Variants in BMX observed in about 807,000 individuals in gnomAD.
The protein encoded by BMX is BMX non-receptor tyrosine kinase.
Under a neutral mutation model 59.2 loss-of-function variants are expected in BMX, and 31 were observed. That is an observed-to-expected ratio of 0.52 (90% CI 0.39 to 0.71). The LOEUF (loss-of-function observed/expected upper bound fraction) is 0.71, where lower values mean the gene tolerates loss of function less well. Among genes scored for constraint, BMX ranks in the 30% least tolerant of loss-of-function variants. The pLI, the probability that BMX is intolerant of heterozygous loss-of-function variation, is 0.00. For synonymous variants in BMX, 185 were observed against 181.0 expected (o/e 1.02, Z -0.18); for missense variants, 474 against 491.7 (o/e 0.96, Z 0.34).
chrX:15,541,786 G>A (rs941049679), intron 14 of BMX, among the ~76,000 whole-genome samples, 196 bp from the exon 15 acceptor site: 3 of 110,604 alleles, frequency 2.7e-5, no homozygotes, highest in African/African-American at 9.9e-5. Flanking sequence ...CTGATATGAG[G>A]CAGAAATTTT....
At chrX:15,522,013 GT>G (rs1924480101) in intron 6 of BMX, among the ~76,000 whole-genome samples, 3 of 110,681 alleles carry the variant, frequency 2.7e-5, no homozygotes, top group African/African-American at 9.9e-5. Context: ...AGGTCTTTTG[GT>G]TTCCCTGTTG....
At chrX:15,519,828 C>T (rs1484000592) in intron 6 of BMX, among the ~76,000 whole-genome samples, 1 of 111,252 alleles carries the variant, frequency 9.0e-6, no homozygotes, top group Non-Finnish European at 1.9e-5. Context: ...AGGGAGATAG[C>T]AGGCTCTTTT....
rs1182362642 is a variant in BMX at position 15,511,523 on chromosome X, T to C, written c.325+5T>C. ...GGTTGAAAGCATTACAAAAAGGTAA[T>C]TCAAAAAAAGAAATGTTGAAAGAGA... is the stretch of plus-strand genomic sequence containing the variant. On this transcript the variant is annotated splice_donor_5th_base_variant and intron_variant, in intron 4 of 18. Transcript: ENST00000348343. 1 of 1,193,123 alleles carries C rather than the reference T, an allele frequency of 8.4e-7. No individual in the cohort carries two copies. The highest frequency in any genetic ancestry group is 1.1e-6 in the Non-Finnish European group (1 of 884,241).
At chrX:15,537,521 A>G (rs1925425965) in intron 14 of BMX, among the ~76,000 whole-genome samples, 1 of 112,073 alleles carries the variant, frequency 8.9e-6, no homozygotes, top group Non-Finnish European at 1.9e-5. Flanking sequence ...ACAACCTGAA[A>G]GGCCATATTC....
chrX:15,549,000 C>T (rs1214603981), intron 17 of BMX, among the ~76,000 whole-genome samples: 1 of 111,420 alleles, frequency 9.0e-6, no homozygotes, highest in South Asian at 3.8e-4. Flanking sequence ...ACAGCAAGTC[C>T]ATGAGGTGCA....
At chrX:15,505,116 A>G (rs764108490) in intron 1 of BMX, among the ~76,000 whole-genome samples, 1 of 112,387 alleles carries the variant, frequency 8.9e-6, no homozygotes, top group Non-Finnish European at 1.9e-5. Context: ...TCTAAAAATT[A>G]ATCATCAGCA....
At chrX:15,502,375 G>A (rs185006159) in intron 1 of BMX, among the ~76,000 whole-genome samples, 15 of 111,996 alleles carry the variant, frequency 1.3e-4, no homozygotes, top group African/African-American at 4.9e-4. Context: ...AGGAGAGGGA[G>A]CAGAAAGAAA....
rs869132740 is a variant in BMX, at chrX:15,511,613, TA to T, written c.325+100del. On this transcript the variant is annotated intron_variant, in intron 4 of 18. Coordinates refer to ENST00000348343, the MANE Select transcript of BMX (RefSeq NM_203281.3). The stretch of plus-strand genomic sequence containing the variant: ...GCTTGGTGGAGGAAAGACATGGCAG[TA>T]AAAAGACTCAATGCCAAGAGACAAT... 3 of 667,988 alleles carry T rather than the reference TA, an allele frequency of 4.5e-6. No homozygotes were observed. In the East Asian group the frequency reaches 1.1e-4, roughly 24 times the overall value. 55.0% of individuals were successfully genotyped at this position (667,988 alleles called of 1,213,427 possible). A position where few individuals can be genotyped will look rare whatever the true frequency, so the allele number is the denominator to read the frequency against.
At chrX:15,524,992 C>G (rs1924641437) in intron 7 of BMX, among the ~76,000 whole-genome samples, 1 of 111,836 alleles carries the variant, frequency 8.9e-6, no homozygotes, top group Admixed American at 9.5e-5. Context: ...AAAATCAGGG[C>G]AAATCCAGTC....
rs138084152 is a variant in BMX, at chrX:15,543,094, C to T, written c.1635C>T (p.Asp545=). The change falls in exon 16 of 19, where the codon GAC becomes GAT. Residue 545 remains aspartate, a synonymous_variant. Coordinates refer to ENST00000348343, the MANE Select transcript of BMX (RefSeq NM_203281.3). ...AGGCTGCTCGTAACTGCTTGGTGGA[C>T]AGAGATCTCTGTGTGAAAGTATCTG... is the stretch of plus-strand genomic sequence containing the variant. The part of the protein sequence containing the change: ...RDLAARNCLV[D]RDLCVKVSDF... 8.3e-7 allele frequency: 1 copy of T among 1,208,482 alleles called. No individual in the cohort carries two copies. Among genetic ancestry groups the T allele is most frequent in the African/African-American group, 1.7e-5 (1 of 57,471 alleles).
chrX:15,534,106 C>T (rs1925215783), intron 11 of BMX, 106 bp from the exon 12 acceptor site: 1 of 755,544 alleles, frequency 1.3e-6, no homozygotes, highest in Non-Finnish European at 1.8e-6. Flanking sequence ...ACCTCCCTGA[C>T]TTCCCTCTCC....
At chrX:15,533,988 G>A (rs1038939463) in intron 11 of BMX, among the ~76,000 whole-genome samples, 4 of 111,412 alleles carry the variant, frequency 3.6e-5, no homozygotes, top group Non-Finnish European at 5.7e-5. Flanking sequence ...ATCTATATGT[G>A]CACCAAAAGA....
intron 6 of BMX, among the ~76,000 whole-genome samples, chrX:15,518,618 C>T (rs948442398): frequency 7.2e-5 from 8 of 111,478 alleles, no homozygotes; most frequent in African/African-American, 2.6e-4. Context: ...AAACATCATT[C>T]CAAGTTAAAC....
rs959223577 is a variant in BMX at position 15,550,126 on chromosome X, C to T, written c.1953+129C>T. 7.6e-6 allele frequency: 6 copies of T among 790,926 alleles called. No individual in the cohort carries two copies. In the African/African-American group the frequency reaches 1.1e-4, roughly 14 times the overall value. The allele number at this position is 790,926 out of a possible 1,213,427, so 65.2% of individuals were successfully genotyped here. ...CAGAGCAGGAGAGAATGGTCCTCAG[C>T]CCCTGCCCTAAAATGTTTGTAATCT... On this transcript the variant is annotated intron_variant, in intron 18 of 18. Coordinates refer to ENST00000348343, the MANE Select transcript of BMX (RefSeq NM_203281.3).
chrX:15,547,039 C>T (rs1925981948), intron 17 of BMX, 118 bp downstream of exon 17: 1 of 562,624 alleles, frequency 1.8e-6, no homozygotes, highest in African/African-American at 2.3e-5. Context: ...CGAAGTTACA[C>T]ATATAGCCTG....
At chrX:15,529,782 C>T (rs769975932) in intron 9 of BMX, among the ~76,000 whole-genome samples, 191 bp from the exon 10 acceptor site, 4 of 112,156 alleles carry the variant, frequency 3.6e-5, no homozygotes, top group South Asian at 3.7e-4. Flanking sequence ...TCCACCCCAA[C>T]ATCAGAATTT....
Position 15,540,431 on chromosome X carries a change from G to T in BMX, c.1395-1551G>T, listed in dbSNP as rs962288682. On this transcript the variant is annotated intron_variant, in intron 14 of 18. Coordinates refer to ENST00000348343, the MANE Select transcript of BMX (RefSeq NM_203281.3). ...GAACATCACACACTGGGGCTTGTTGGGGGGTGGGGGATAGGGGAAAGATAG... is the reference window on the plus strand; with the variant it reads ...GAACATCACACACTGGGGCTTGTTGTGGGGTGGGGGATAGGGGAAAGATAG... 6.4e-5 allele frequency among the ~76,000 whole-genome samples: 7 copies of T among 108,815 alleles called. No homozygotes were observed. In the East Asian group the frequency reaches 1.7e-3, roughly 27 times the overall value. 94.5% of individuals were successfully genotyped at this position (108,815 alleles called of 115,157 possible).
chrX:15,538,134 C>T (rs959019125), intron 14 of BMX, among the ~76,000 whole-genome samples: 1 of 108,000 alleles, frequency 9.3e-6, no homozygotes, highest in Admixed American at 9.9e-5. Context: ...TCTGTGTCTT[C>T]TCTCTCTCTC....
intron 5 of BMX, 32 bp downstream of exon 5, chrX:15,516,263 T>C (rs371007599): frequency 4.3e-5 from 52 of 1,197,136 alleles, no homozygotes; most frequent in Non-Finnish European, 5.4e-5. Context: ...GGACTGGACG[T>C]TGGGTGGATA....
Sources: allele counts gnomAD v4.1 joint callset (sites outside exome capture counted in the v4.1 genomes callset), GRCh38; gene constraint gnomAD v4.1.1; transcripts MANE v1.5; gene names NCBI Gene and HGNC (gene_info 2026-07-23, HGNC 2026-07-21).